Variants in ATP2B1 observed in about 807,000 individuals in gnomAD.
ATP2B1 encodes the protein ATPase plasma membrane Ca2+ transporting 1.
ATP2B1 carries 14 observed loss-of-function variants against 124.2 expected under a neutral mutation model. That is an observed-to-expected ratio of 0.11 (90% CI 0.07 to 0.18). The LOEUF (loss-of-function observed/expected upper bound fraction) is 0.18. Among genes scored for constraint, ATP2B1 ranks in the 10% least tolerant of loss-of-function variants. The pLI is 1.00. For missense variants in ATP2B1, 763 were observed against 1,466.1 expected (o/e 0.52, Z 7.83); for synonymous variants, 449 against 492.4 (o/e 0.91, Z 1.17).
intron 6 of ATP2B1, among the ~76,000 whole-genome samples, chr12:89,628,070 G>C (rs1165982304): frequency 6.6e-6 from 1 of 152,102 alleles, no homozygotes; most frequent in Non-Finnish European, 1.5e-5. Context: ...GGAGGAGGAA[G>C]AGCAGGGGTA....
At chr12:89,673,570 T>G (rs1400847208) in intron 1 of ATP2B1, among the ~76,000 whole-genome samples, 1 of 152,206 alleles carries the variant, frequency 6.6e-6, no homozygotes, top group East Asian at 1.9e-4. Context: ...GATACATTGC[T>G]ATCAACACTG....
At chr12:89,619,311 G>A (rs528634024) in intron 11 of ATP2B1, among the ~76,000 whole-genome samples, 49 of 152,106 alleles carry the variant, frequency 3.2e-4, no homozygotes, top group East Asian at 5.8e-4. Flanking sequence ...CACAATGAGC[G>A]TTGAAGATCT....
At chr12:89,660,380 T>G (rs1225918409) in intron 1 of ATP2B1, among the ~76,000 whole-genome samples, 3 of 152,182 alleles carry the variant, frequency 2.0e-5, no homozygotes, top group Admixed American at 1.3e-4. Context: ...TACATTTAAT[T>G]CCCAAAACAT....
chr12:89,653,922 G>A (rs79570659), intron 2 of ATP2B1, among the ~76,000 whole-genome samples: 6 of 152,176 alleles, frequency 3.9e-5, no homozygotes, highest in East Asian at 1.9e-4. Context: ...GACCTGGTTA[G>A]GGGAAGTACA....
At chr12:89,605,003 T>TG (rs1278996283) in intron 15 of ATP2B1, among the ~76,000 whole-genome samples, 1 of 152,142 alleles carries the variant, frequency 6.6e-6, no homozygotes, top group Non-Finnish European at 1.5e-5. Flanking sequence ...AACAGGAGAA[T>TG]GGGGTAATTA....
chr12:89,604,119 A>C (rs748754124), intron 16 of ATP2B1, 36 bp downstream of exon 16: 1 of 1,585,268 alleles, frequency 6.3e-7, no homozygotes, highest in South Asian at 1.2e-5. Context: ...TTTAAATTTA[A>C]AGTAAACAAG....
At chr12:89,621,311 A>T (rs149535285) in intron 10 of ATP2B1, among the ~76,000 whole-genome samples, 4 of 152,230 alleles carry the variant, frequency 2.6e-5, no homozygotes, top group Non-Finnish European at 4.4e-5. Context: ...AAGGCTGGAG[A>T]GTTTCTGAAC....
At position 89,626,028 on chromosome 12, in the gene ATP2B1, C is replaced by T. The variant is rs571549005; in HGVS notation, c.1129+426G>A. Among the ~76,000 whole-genome samples the T allele has an allele frequency of 9.2e-5, 14 of 152,164 alleles. No homozygotes were observed. The East Asian group carries it at 2.5e-3, about 27-fold the overall frequency. On this transcript the variant is annotated intron_variant, in intron 8 of 20. Transcript: ENST00000428670. ...ATGGCAGTAATATAGAAACTTCAGC[C>T]GCACTACAACGACTCCATTCAGTGC...
At chr12:89,690,570 T>C (rs1890447804) in intron 1 of ATP2B1, among the ~76,000 whole-genome samples, 1 of 151,902 alleles carries the variant, frequency 6.6e-6, no homozygotes, top group South Asian at 2.1e-4. Context: ...TTAAACAGTT[T>C]TGCTTTTTTT....
intron 1 of ATP2B1, among the ~76,000 whole-genome samples, chr12:89,664,199 T>A (rs1887029733): frequency 6.6e-6 from 1 of 152,146 alleles, no homozygotes; most frequent in Non-Finnish European, 1.5e-5. Flanking sequence ...CCACACCCTT[T>A]AGTCTATAAA....
At chr12:89,677,969 T>TACACAC (rs1207955529) in intron 1 of ATP2B1, among the ~76,000 whole-genome samples, 39 of 59,526 alleles carry the variant, frequency 6.6e-4, no homozygotes, top group Admixed American at 1.5e-3. Flanking sequence ...TATATATATA[T>TACACAC]ATACACACAC....
chr12:89,628,132 G>C (rs1315714841), intron 6 of ATP2B1, among the ~76,000 whole-genome samples: 1 of 152,126 alleles, frequency 6.6e-6, no homozygotes, highest in Non-Finnish European at 1.5e-5. Context: ...GTCGGGTGTG[G>C]TGGCTCATGC....
chr12:89,628,939 T>G (rs1449028814), intron 6 of ATP2B1, among the ~76,000 whole-genome samples: 4 of 151,808 alleles, frequency 2.6e-5, no homozygotes, highest in Admixed American at 1.3e-4. Flanking sequence ...GTCAAGGGAA[T>G]GGGAGAAGGG....
Position 89,588,337 on chromosome 12 carries a change from GA to G in ATP2B1, c.*2646del, listed in dbSNP as rs1872986681. The G allele has an allele frequency of 6.6e-6, 1 of 152,506 alleles. No homozygotes were observed. The highest frequency in any genetic ancestry group is 1.5e-5 in the Non-Finnish European group (1 of 68,008). 9.4% of individuals were successfully genotyped at this position (152,506 alleles called of 1,614,324 possible). A position where few individuals can be genotyped will look rare whatever the true frequency, so the allele number is the denominator to read the frequency against. On this transcript the variant is annotated 3_prime_UTR_variant, in exon 21 of 21. Coordinates refer to ENST00000428670, the MANE Select transcript of ATP2B1 (RefSeq NM_001366521.1). ...TATCACATATTTGTAAGATGACAAG[GA>G]GTAACTCATCTTCAAAGTGCAAGTA...
intron 3 of ATP2B1, among the ~76,000 whole-genome samples, chr12:89,639,974 A>G (rs1349088610): frequency 2.6e-5 from 4 of 152,246 alleles, no homozygotes; most frequent in Admixed American, 1.3e-4. Context: ...AGTGACAGCT[A>G]GACAGGTGGA....
rs1339237368 is a variant in ATP2B1, at chr12:89,647,941, G to A, written c.209-5586C>T. ...CGTGCCTGCTCCTGCTTCACCTTCT[G>A]CCATGAGTAAAAGCACTCTGAGACA... is the stretch of plus-strand genomic sequence containing the variant. On this transcript the variant is annotated intron_variant, in intron 2 of 20. Coordinates refer to ENST00000428670, the MANE Select transcript of ATP2B1 (RefSeq NM_001366521.1). Among the ~76,000 whole-genome samples, 4 of 152,072 alleles carry A rather than the reference G, an allele frequency of 2.6e-5. 1 individual carries two copies. Among genetic ancestry groups the A allele is most frequent in the Non-Finnish European group, 5.9e-5 (4 of 68,006 alleles).
In ATP2B1 at chr12:89,610,445, T is replaced by C. The variant is rs753007655; in HGVS notation, c.2311A>G (p.Thr771Ala). 6 of 1,613,768 alleles carry C rather than the reference T, an allele frequency of 3.7e-6. No individual in the cohort carries two copies. The highest frequency in any genetic ancestry group is 1.7e-5 in the Admixed American group (1 of 60,002). Residue 771 changes from threonine (T) to alanine (A), a missense_variant, in exon 14 of 21, where the codon ACT becomes GCT. Coordinates refer to ENST00000428670, the MANE Select transcript of ATP2B1 (RefSeq NM_001366521.1). ...KLRVLARSSP[T>A]DKHTLVKGII... is the part of the protein sequence containing the mutation. ...CCTTTAACCAGTGTATGCTTATCAG[T>C]AGGAGATGATCTTGCAAGTACTCGA...
chr12:89,589,058 A>G lies in ATP2B1; in HGVS notation c.*1926T>C, dbSNP rs1159760345. 1.3e-5 allele frequency: 2 copies of G among 152,610 alleles called. No individual in the cohort carries two copies. Among genetic ancestry groups the G allele is most frequent in the African/African-American group, 4.8e-5 (2 of 41,462 alleles). The allele number at this position is 152,610 out of a possible 1,614,324, so 9.5% of individuals were successfully genotyped here. On this transcript the variant is annotated 3_prime_UTR_variant, in exon 21 of 21. Coordinates refer to ENST00000428670, the MANE Select transcript of ATP2B1 (RefSeq NM_001366521.1). ...TATCATGCTACCTCTTTTTTACAGTATGATTCACTATAAATACCTGATGAA... is the reference window on the plus strand; with the variant it reads ...TATCATGCTACCTCTTTTTTACAGTGTGATTCACTATAAATACCTGATGAA...
At chr12:89,640,997 AC>A (rs1323896602) in intron 3 of ATP2B1, among the ~76,000 whole-genome samples, 2 of 152,174 alleles carry the variant, frequency 1.3e-5, no homozygotes, top group African/African-American at 2.4e-5. Context: ...TAATTACCTT[AC>A]CCAACTTTTA....
Sources: allele counts gnomAD v4.1 joint callset (sites outside exome capture counted in the v4.1 genomes callset), GRCh38; gene constraint gnomAD v4.1.1; transcripts MANE v1.5; gene names NCBI Gene and HGNC (gene_info 2026-07-23, HGNC 2026-07-21).